Variants in AUH observed in about 807,000 individuals in gnomAD.
The protein encoded by AUH is methylglutaconyl-CoA hydratase, mitochondrial.
Under a neutral mutation model 42.3 loss-of-function variants are expected in AUH, and 29 were observed. That is an observed-to-expected ratio of 0.69 (90% CI 0.51 to 0.93). The LOEUF is 0.93. AUH is among the 40% of genes least tolerant of loss of function. AUH has a pLI of 0.00. For missense variants in AUH, 452 were observed against 438.1 expected (o/e 1.03, Z -0.28); for synonymous variants, 174 against 166.4 (o/e 1.05, Z -0.35).
chr9:91,302,561 C>A (rs1827880347), intron 4 of AUH, among the ~76,000 whole-genome samples: 2 of 152,076 alleles, frequency 1.3e-5, no homozygotes, highest in Admixed American at 1.3e-4. Flanking sequence ...TGCACTCCAG[C>A]CTGGGCAACA....
At chr9:91,225,274 C>G (rs984798713) in intron 6 of AUH, among the ~76,000 whole-genome samples, 7 of 152,208 alleles carry the variant, frequency 4.6e-5, no homozygotes, top group African/African-American at 1.4e-4. Flanking sequence ...GCCTCAGCCT[C>G]CCTAGTTAGC....
At chr9:91,217,847 TC>T (rs1389639245) in intron 7 of AUH, among the ~76,000 whole-genome samples, 5 of 152,120 alleles carry the variant, frequency 3.3e-5, no homozygotes, top group African/African-American at 1.2e-4. Flanking sequence ...TAAGCAGTGC[TC>T]CCACAGCACA....
chr9:91,329,369 T>TA (rs986630445), intron 3 of AUH, among the ~76,000 whole-genome samples: 2 of 152,152 alleles, frequency 1.3e-5, no homozygotes, highest in Non-Finnish European at 2.9e-5. Flanking sequence ...TTCACATTCC[T>TA]ACCAGCAATG....
chr9:91,228,231 T>G (rs1022215703), intron 6 of AUH, among the ~76,000 whole-genome samples: 7 of 152,212 alleles, frequency 4.6e-5, no homozygotes, highest in Non-Finnish European at 1.0e-4. Flanking sequence ...CAATTTCACA[T>G]CCTGTTATTG....
At chr9:91,329,292 A>G (rs1016993723) in intron 3 of AUH, among the ~76,000 whole-genome samples, 21 of 149,866 alleles carry the variant, frequency 1.4e-4, no homozygotes, top group African/African-American at 5.2e-4. Context: ...TTTTTGTTTA[A>G]CTTGGAGAAA....
intron 3 of AUH, among the ~76,000 whole-genome samples, chr9:91,333,065 C>T (rs1830446690): frequency 6.6e-6 from 1 of 152,154 alleles, no homozygotes; most frequent in Non-Finnish European, 1.5e-5. Flanking sequence ...GTTTGTTTAA[C>T]CTTCAGGAAA....
intron 3 of AUH, among the ~76,000 whole-genome samples, chr9:91,333,207 T>C (rs886561068): frequency 2.6e-5 from 4 of 152,236 alleles, no homozygotes; most frequent in African/African-American, 9.6e-5. Context: ...TAGCATTTCA[T>C]TTTTATTTCT....
intron 3 of AUH, among the ~76,000 whole-genome samples, chr9:91,336,243 A>G (rs1442764674): frequency 6.6e-6 from 1 of 152,226 alleles, no homozygotes; most frequent in Non-Finnish European, 1.5e-5. Context: ...ACAAACACAT[A>G]CATATTATAA....
At chr9:91,269,395 T>C (rs975326942) in intron 6 of AUH, among the ~76,000 whole-genome samples, 7 of 152,238 alleles carry the variant, frequency 4.6e-5, no homozygotes, top group African/African-American at 1.4e-4. Context: ...GAAAATATGA[T>C]AGAGACAGAC....
intron 4 of AUH, among the ~76,000 whole-genome samples, chr9:91,324,558 AAAG>A (rs1829832424): frequency 1.3e-5 from 2 of 151,036 alleles, no homozygotes; most frequent in African/African-American, 2.4e-5. Context: ...AAAAAAAAAA[AAAG>A]AAAGCCAAAT....
At chr9:91,331,926 C>G (rs1830357384) in intron 3 of AUH, among the ~76,000 whole-genome samples, 2 of 152,222 alleles carry the variant, frequency 1.3e-5, no homozygotes, top group African/African-American at 2.4e-5. Flanking sequence ...AAAGGCTCCA[C>G]AGTGGGTGTT....
chr9:91,216,149 C>T (rs768561643), intron 8 of AUH, 43 bp from the exon 9 acceptor site: 23 of 1,566,114 alleles, frequency 1.5e-5, no homozygotes, highest in Admixed American at 1.0e-4. Context: ...AATAACTTTG[C>T]GAAATGTGGT....
At chr9:91,235,054 A>C (rs1227093490) in intron 6 of AUH, among the ~76,000 whole-genome samples, 1 of 151,832 alleles carries the variant, frequency 6.6e-6, no homozygotes, top group Non-Finnish European at 1.5e-5. Flanking sequence ...TGTGAGGAGG[A>C]GCAGGACAGG....
At chr9:91,342,273 G>A (rs964273754) in intron 3 of AUH, among the ~76,000 whole-genome samples, 5 of 152,130 alleles carry the variant, frequency 3.3e-5, no homozygotes, top group African/African-American at 1.2e-4. Flanking sequence ...GCTTCCTGTT[G>A]TCATTTCTCC....
At chr9:91,231,483 C>T (rs189559244) in intron 6 of AUH, among the ~76,000 whole-genome samples, 126 of 152,302 alleles carry the variant, frequency 8.3e-4, no homozygotes, top group African/African-American at 2.8e-3. Context: ...GAACCTGGTA[C>T]CACAGATGGA....
At chr9:91,340,652 C>T (rs1286182525) in intron 3 of AUH, among the ~76,000 whole-genome samples, 2 of 152,122 alleles carry the variant, frequency 1.3e-5, no homozygotes. Flanking sequence ...CAACTGTTTC[C>T]AGATCACTCA....
chr9:91,346,876 AC>A (rs1458526058), intron 3 of AUH, among the ~76,000 whole-genome samples: 1 of 151,828 alleles, frequency 6.6e-6, no homozygotes, highest in Non-Finnish European at 1.5e-5. Context: ...AAAAAAAAAA[AC>A]ACTTTATTTA....
intron 6 of AUH, among the ~76,000 whole-genome samples, chr9:91,284,379 A>T (rs941311097): frequency 2.6e-5 from 4 of 152,180 alleles, no homozygotes; most frequent in Admixed American, 2.0e-4. Context: ...AACCTAGGCA[A>T]TACCATTCAG....
At chr9:91,318,820 C>T (rs1829355898) in intron 4 of AUH, among the ~76,000 whole-genome samples, 1 of 152,240 alleles carries the variant, frequency 6.6e-6, no homozygotes, top group South Asian at 2.1e-4. Context: ...CCCCTGCACT[C>T]TCCAGAAATT....
Sources: gnomAD v4.1 joint callset for allele counts (sites outside exome capture counted in the v4.1 genomes callset) on GRCh38, gnomAD v4.1.1 for gene constraint, MANE v1.5 for transcripts, NCBI Gene and HGNC (gene_info 2026-07-23, HGNC 2026-07-21) for gene names.